Variants in RLN2 observed in about 807,000 individuals in gnomAD.
RLN2 encodes the protein prorelaxin H2.
In RLN2, 10 loss-of-function variants were observed where a neutral mutation model predicts 7.3. That is an observed-to-expected ratio of 1.36 (90% CI 0.84 to 2.31). The LOEUF is 2.31. RLN2 is among the 30% of genes most tolerant of loss of function. The pLI, the probability that RLN2 is intolerant of heterozygous loss-of-function variation, is 0.00. For missense variants in RLN2, 298 were observed against 217.6 expected, an observed-to-expected ratio of 1.37 and a Z score of -2.32; for synonymous variants, 103 against 82.3, an observed-to-expected ratio of 1.25 and a Z score of -1.36.
chr9:5,329,919 A>G, the RLN2 span, among the ~76,000 whole-genome samples: 1 of 151,976 alleles, frequency 6.6e-6, no homozygotes, highest in Non-Finnish European at 1.5e-5. Context: ...CCTAATAGAC[A>G]TCTACAAAAT....
At chr9:5,327,499 G>C in the RLN2 span, among the ~76,000 whole-genome samples, 3 of 152,200 alleles carry the variant, frequency 2.0e-5, no homozygotes, top group Admixed American at 2.0e-4. Context: ...AAAGGCAGCA[G>C]ACAACTTCTG....
rs766776671 is a variant in RLN2, at chr9:5,304,462, A to G, written c.119T>C (p.Val40Ala). ...GCCGCAAATGGCAATCTGCGCGCGA[A>G]CTAATTCGCGGCCGCATAATTTAAT... ...EVIKLCGRELVRAQIAICGMS... is the reference protein window; with the variant it reads ...EVIKLCGRELARAQIAICGMS... The change falls in exon 1 of 2, where the codon GTT becomes GCT. Residue 40 changes from valine (V) to alanine (A), a missense_variant. Physicochemically the swap from Val to Ala is moderately conservative, Grantham distance 64. Transcript: ENST00000381627. The G allele has an allele frequency of 6.1e-5, 99 of 1,613,238 alleles. No individual in the cohort carries two copies. Among genetic ancestry groups the G allele is most frequent in the Admixed American group, 1.0e-4 (6 of 59,938 alleles).
chr9:5,308,287 A>C (rs1281989655), upstream of RLN2, among the ~76,000 whole-genome samples: 1 of 152,014 alleles, frequency 6.6e-6, no homozygotes, highest in Non-Finnish European at 1.5e-5. Context: ...AGAGATTAGG[A>C]AAGATAAATA....
intron 1 of RLN2, among the ~76,000 whole-genome samples, chr9:5,302,450 G>T (rs1216208874): frequency 1.3e-5 from 2 of 152,144 alleles, no homozygotes; most frequent in African/African-American, 4.8e-5. Context: ...CCTAACAGTA[G>T]AAGTCTGAAA....
Position 5,300,203 on chromosome 9 carries a change from T to C in RLN2, c.453A>G (p.Leu151=), listed in dbSNP as rs552258413. Residue 151 remains leucine, a synonymous_variant, in exon 2 of 2, where the codon TTA becomes TTG. Coordinates refer to ENST00000381627, the MANE Select transcript of RLN2 (RefSeq NM_134441.3). ...TTTTTCGAGAATGAGTATCCAAGCC[T>C]AAGTATTTTAATTCTGAAGGACTGC... ...ADSSPSELKY[L]GLDTHSRKKR... 3.5e-5 allele frequency: 56 copies of C among 1,614,012 alleles called. No individual in the cohort carries two copies. In the East Asian group the frequency reaches 1.2e-3, roughly 35 times the overall value.
the RLN2 span, among the ~76,000 whole-genome samples, chr9:5,333,741 C>A: frequency 6.6e-6 from 1 of 152,006 alleles, no homozygotes; most frequent in Admixed American, 6.6e-5. Flanking sequence ...AGGCCAATAT[C>A]CCTGATGAAC....
intron 1 of RLN2, among the ~76,000 whole-genome samples, chr9:5,301,327 T>G (rs1299864967): frequency 6.6e-6 from 1 of 152,202 alleles, no homozygotes; most frequent in Non-Finnish European, 1.5e-5. Flanking sequence ...GACATCTTCC[T>G]CCATCTTTGC....
At chr9:5,301,235 GGA>G (rs1349784987) in intron 1 of RLN2, among the ~76,000 whole-genome samples, 5 of 152,118 alleles carry the variant, frequency 3.3e-5, no homozygotes, top group African/African-American at 7.2e-5. Context: ...TCCTAGGAAG[GGA>G]GCCTGTTCTT....
At chr9:5,300,791 G>C (rs1053528409) in intron 1 of RLN2, among the ~76,000 whole-genome samples, 1 of 152,148 alleles carries the variant, frequency 6.6e-6, no homozygotes, top group African/African-American at 2.4e-5. Context: ...ACCACAGCTA[G>C]TGGTCATTTT....
upstream of RLN2, among the ~76,000 whole-genome samples, chr9:5,305,359 CCACACACACACACACACACACACACA>C (rs34733616): frequency 1.8e-4 from 22 of 121,828 alleles, no homozygotes; most frequent in African/African-American, 6.2e-4. Context: ...GGAGAACATA[CCACACACACACACACACACACACACA>C]CACACACACA....
the RLN2 span, among the ~76,000 whole-genome samples, chr9:5,329,326 A>AG: frequency 1.4e-3 from 206 of 149,928 alleles, 5 homozygotes; most frequent in African/African-American, 4.4e-3. Flanking sequence ...AAAAAAAAAA[A>AG]AAAGAAAAGA....
chr9:5,307,123 C>T (rs1816265213), upstream of RLN2, among the ~76,000 whole-genome samples: 1 of 151,984 alleles, frequency 6.6e-6, no homozygotes, highest in Non-Finnish European at 1.5e-5. Context: ...GAATAGCCTG[C>T]TGGCAACATT....
the RLN2 span, among the ~76,000 whole-genome samples, chr9:5,328,503 G>A: frequency 0.025 from 3,833 of 152,056 alleles, 102 homozygotes; most frequent in Middle Eastern, 0.048. Context: ...TATTATCCAC[G>A]AGAACTTCCC....
the RLN2 span, chr9:5,335,684 G>A: frequency 1.3e-6 from 1 of 777,412 alleles, no homozygotes; most frequent in South Asian, 1.8e-5. Flanking sequence ...CATACACAAA[G>A]AAAAGAAAGC....
the RLN2 span, among the ~76,000 whole-genome samples, chr9:5,324,512 C>T: frequency 6.6e-6 from 1 of 151,974 alleles, no homozygotes; most frequent in Non-Finnish European, 1.5e-5. Context: ...AATCCCTAAC[C>T]TGATGGTCCC....
the RLN2 span, among the ~76,000 whole-genome samples, chr9:5,329,022 G>T: frequency 6.6e-6 from 1 of 152,078 alleles, no homozygotes; most frequent in Non-Finnish European, 1.5e-5. Context: ...AAACTGCATC[G>T]GCCGGGTGCG....
the RLN2 span, among the ~76,000 whole-genome samples, chr9:5,337,501 T>G: frequency 4.6e-5 from 7 of 152,052 alleles, no homozygotes; most frequent in Non-Finnish European, 8.8e-5. Context: ...ATCTCTGGTT[T>G]AAAGCGGATC....
upstream of RLN2, among the ~76,000 whole-genome samples, chr9:5,305,406 G>C (rs200122461): frequency 8.9e-3 from 1,144 of 129,178 alleles, 15 homozygotes; most frequent in African/African-American, 0.022. Context: ...CACACACAGA[G>C]AGAGAGAGAG....
At chr9:5,325,252 C>A in the RLN2 span, among the ~76,000 whole-genome samples, 2 of 151,590 alleles carry the variant, frequency 1.3e-5, no homozygotes, top group African/African-American at 4.9e-5. Context: ...AGACACAGGA[C>A]TATAAGCTCA....
Sources: allele counts gnomAD v4.1 joint callset (sites outside exome capture counted in the v4.1 genomes callset), GRCh38; gene constraint gnomAD v4.1.1; transcripts MANE v1.5; gene names NCBI Gene and HGNC (gene_info 2026-07-23, HGNC 2026-07-21).